The following INPP5F variants were observed in gnomAD, a reference collection of about 807,000 sequenced individuals.
INPP5F encodes phosphatidylinositide 4-phosphatase SAC2.
Under a neutral mutation model 137.2 loss-of-function variants are expected in INPP5F, and 97 were observed. The ratio of observed to expected loss-of-function variants is 0.71; its 90% CI spans 0.60 to 0.84. The LOEUF is 0.84. INPP5F is among the 40% of genes least tolerant of loss of function. The pLI is 0.00. For missense variants in INPP5F, 1,271 were observed against 1,371.9 expected (o/e 0.93, Z 1.16); for synonymous variants, 504 against 476.9 (o/e 1.06, Z -0.74).
At chr10:119,767,904 C>T (rs139311428) in intron 2 of INPP5F, among the ~76,000 whole-genome samples, 1 of 152,280 alleles carries the variant, frequency 6.6e-6, no homozygotes, top group African/African-American at 2.4e-5. Context: ...ATATAAAAAG[C>T]AACGAGTCAT....
chr10:119,808,369 C>T (rs960910270), intron 13 of INPP5F, among the ~76,000 whole-genome samples: 4 of 152,156 alleles, frequency 2.6e-5, no homozygotes, highest in Non-Finnish European at 5.9e-5. Flanking sequence ...GGTTGGTTTT[C>T]AAAACTGACA....
At chr10:119,795,084 C>T (rs1174914815) in intron 6 of INPP5F, among the ~76,000 whole-genome samples, 10 of 140,902 alleles carry the variant, frequency 7.1e-5, no homozygotes, top group Non-Finnish European at 1.4e-4. Context: ...GGCTGACCCC[C>T]CCACCTCCCT....
intron 2 of INPP5F, among the ~76,000 whole-genome samples, chr10:119,771,349 C>T (rs1357929718): frequency 6.6e-6 from 1 of 151,940 alleles, no homozygotes; most frequent in Non-Finnish European, 1.5e-5. Flanking sequence ...TTGTCTGTTC[C>T]TTCATCCCTT....
At chr10:119,785,291 T>TTTTTTTTTTTTG (rs1849851482) in intron 3 of INPP5F, among the ~76,000 whole-genome samples, 1 of 143,786 alleles carries the variant, frequency 7.0e-6, no homozygotes, top group South Asian at 2.5e-4. Context: ...AGACTGTTTT[T>TTTTTTTTTTTTG]TTTTTTTTTT....
chr10:119,799,928 A>G (rs1850522143), intron 9 of INPP5F, among the ~76,000 whole-genome samples: 1 of 152,130 alleles, frequency 6.6e-6, no homozygotes, highest in Non-Finnish European at 1.5e-5. Context: ...TAGTTGTTTA[A>G]TGAGAGGTAA....
intron 2 of INPP5F, among the ~76,000 whole-genome samples, chr10:119,754,410 TCTC>T (rs1242134565): frequency 6.6e-6 from 1 of 152,138 alleles, no homozygotes; most frequent in African/African-American, 2.4e-5. Context: ...TATATGTACT[TCTC>T]CTCCTTGCCA....
intron 14 of INPP5F, among the ~76,000 whole-genome samples, chr10:119,811,258 A>C (rs1196874170): frequency 6.6e-6 from 1 of 151,794 alleles, no homozygotes; most frequent in Non-Finnish European, 1.5e-5. Flanking sequence ...AGTGGTTGGC[A>C]GGTCTTCTTT....
rs1352802473 is a variant in INPP5F, at chr10:119,781,723, T to A, written c.267T>A (p.Ile89=). ...GDHEVCKVTK[I]AVLSLSEMEP... is the part of the protein sequence containing the mutation. The stretch of plus-strand genomic sequence containing the variant: ...ATGAGGTCTGTAAAGTTACCAAAAT[T>A]GCTGTGCTCTCACTTTCTGAAATGG... Residue 89 remains isoleucine (I), a synonymous_variant, in exon 3 of 20, where the codon ATT becomes ATA. Coordinates refer to ENST00000650623, the MANE Select transcript of INPP5F (RefSeq NM_014937.4). 9 of 1,611,788 alleles carry A rather than the reference T, an allele frequency of 5.6e-6. No individual in the cohort carries two copies. The highest frequency in any genetic ancestry group is 7.6e-6 in the Non-Finnish European group (9 of 1,178,316).
chr10:119,807,357 G>A (rs1850836958), intron 12 of INPP5F, among the ~76,000 whole-genome samples: 1 of 152,188 alleles, frequency 6.6e-6, no homozygotes, highest in Non-Finnish European at 1.5e-5. Flanking sequence ...TTTATCTTAT[G>A]TACAGTGTTT....
chr10:119,781,194 G>C (rs886082687), intron 2 of INPP5F, among the ~76,000 whole-genome samples: 1 of 152,224 alleles, frequency 6.6e-6, no homozygotes, highest in African/African-American at 2.4e-5. Context: ...TTGTTGAGGT[G>C]TACCCTCAGG....
chr10:119,818,367 C>T (rs1305155090), intron 15 of INPP5F, among the ~76,000 whole-genome samples: 1 of 152,250 alleles, frequency 6.6e-6, no homozygotes, highest in Non-Finnish European at 1.5e-5. Flanking sequence ...CCTGCCCGGT[C>T]CAGCAGTGGT....
At chr10:119,785,521 C>T (rs1365860006) in intron 3 of INPP5F, among the ~76,000 whole-genome samples, 1 of 122,580 alleles carries the variant, frequency 8.2e-6, no homozygotes, top group African/African-American at 2.9e-5. Context: ...GATCTCCTGA[C>T]CTTGTGATCC....
At chr10:119,767,882 A>C (rs1414885244) in intron 2 of INPP5F, among the ~76,000 whole-genome samples, 1 of 152,242 alleles carries the variant, frequency 6.6e-6, no homozygotes, top group African/African-American at 2.4e-5. Context: ...CCTTAAAACC[A>C]ACTATAAATA....
rs142820102 is a variant in INPP5F, at chr10:119,780,937, G to T, written c.179-698G>T. Among the ~76,000 whole-genome samples, 212 of 152,256 alleles carry T rather than the reference G, an allele frequency of 1.4e-3. 1 individual carries two copies. Among genetic ancestry groups the T allele is most frequent in the African/African-American group, 4.9e-3 (204 of 41,530 alleles). ...GAGTTTGGTATCCACGGGGGGTCCT[G>T]GAGCCAGTCCCCTGCAGATACCGAG... On this transcript the variant is annotated intron_variant, in intron 2 of 19. Transcript: ENST00000650623.
chr10:119,768,607 A>G (rs1849246121), intron 2 of INPP5F: 1 of 152,216 alleles, frequency 6.6e-6, no homozygotes, highest in Non-Finnish European at 1.5e-5. Context: ...TCAAGTCATA[A>G]TTGCACAACC....
In INPP5F at chr10:119,791,744, T is replaced by C. The variant is rs1850153874; in HGVS notation, c.444+99T>C. The C allele has an allele frequency of 3.0e-6, 4 of 1,343,780 alleles. No homozygotes were observed. In the Admixed American group the frequency reaches 6.3e-5, roughly 21 times the overall value. The allele number at this position is 1,343,780 out of a possible 1,614,324, so 83.2% of individuals were successfully genotyped here. A position where few individuals can be genotyped will look rare whatever the true frequency, so the allele number is the denominator to read the frequency against. Reference sequence around the variant, plus strand: ...GAAAATTTATTTTTAAACCATTTGTTGTATTGAAGCACCATCTCCTTATGC... The same window carrying C: ...GAAAATTTATTTTTAAACCATTTGTCGTATTGAAGCACCATCTCCTTATGC... On this transcript the variant is annotated intron_variant, in intron 4 of 19. Transcript: ENST00000650623.
At chr10:119,826,333 C>G (rs1851756479) in intron 19 of INPP5F, among the ~76,000 whole-genome samples, 1 of 152,184 alleles carries the variant, frequency 6.6e-6, no homozygotes, top group South Asian at 2.1e-4. Context: ...TATTAATCAT[C>G]TTTTAATATT....
At chr10:119,763,944 C>T (rs1463361399) in intron 2 of INPP5F, among the ~76,000 whole-genome samples, 1 of 152,194 alleles carries the variant, frequency 6.6e-6, no homozygotes. Context: ...ACTTTATAAC[C>T]AGGATCATCT....
intron 2 of INPP5F, among the ~76,000 whole-genome samples, chr10:119,763,973 C>T (rs1269193502): frequency 1.3e-5 from 2 of 152,176 alleles, no homozygotes; most frequent in African/African-American, 2.4e-5. Context: ...TCCAATAACA[C>T]GTTCCTTATT....
Sources: allele counts gnomAD v4.1 joint callset (sites outside exome capture counted in the v4.1 genomes callset), GRCh38; gene constraint gnomAD v4.1.1; transcripts MANE v1.5; gene names NCBI Gene and HGNC (gene_info 2026-07-23, HGNC 2026-07-21).